Variants in GHR observed in about 807,000 individuals in gnomAD.
GHR encodes GH receptor.
A neutral mutation model predicts 67.1 loss-of-function variants in GHR; 35 were observed. The ratio of observed to expected loss-of-function variants is 0.52; its 90% CI spans 0.40 to 0.69. The LOEUF is 0.69. GHR is among the 30% of genes least tolerant of loss of function. GHR has a pLI of 0.00. For synonymous variants in GHR, 272 were observed against 269.1 expected, an observed-to-expected ratio of 1.01 and a Z score of -0.10; for missense variants, 792 against 764.6, an observed-to-expected ratio of 1.04 and a Z score of -0.42.
chr5:42,441,634 T>C (rs1479060830), intron 1 of GHR, among the ~76,000 whole-genome samples: 2 of 152,068 alleles, frequency 1.3e-5, no homozygotes, highest in East Asian at 1.9e-4. Context: ...CTCAGCCTCC[T>C]GAGTAGCTGG....
At chr5:42,521,383 G>T (rs1308598723) in intron 1 of GHR, among the ~76,000 whole-genome samples, 1 of 152,074 alleles carries the variant, frequency 6.6e-6, no homozygotes, top group Non-Finnish European at 1.5e-5. Flanking sequence ...GTCTTCCTTT[G>T]ATCTATATAC....
chr5:42,660,101 G>C (rs1580144176), intron 3 of GHR, among the ~76,000 whole-genome samples: 1 of 152,184 alleles, frequency 6.6e-6, no homozygotes, highest in African/African-American at 2.4e-5. Flanking sequence ...AACAAAGCAG[G>C]CGGGAATCTC....
chr5:42,496,640 G>T (rs77034265), intron 1 of GHR, among the ~76,000 whole-genome samples: 6,068 of 152,188 alleles, frequency 0.04, 186 homozygotes, highest in Non-Finnish European at 0.055. Flanking sequence ...AGGACAGATT[G>T]TCTTCAAGAC....
intron 1 of GHR, among the ~76,000 whole-genome samples, chr5:42,474,955 C>T (rs1745236082): frequency 7.1e-6 from 1 of 141,382 alleles, no homozygotes; most frequent in East Asian, 2.1e-4. Context: ...GCTATCTTGG[C>T]TCATTGCAAC....
At chr5:42,463,711 G>A (rs921262244) in intron 1 of GHR, among the ~76,000 whole-genome samples, 1 of 152,062 alleles carries the variant, frequency 6.6e-6, no homozygotes, top group South Asian at 2.1e-4. Flanking sequence ...ATAATTTAGT[G>A]GGCCGGGCGC....
At chr5:42,570,862 G>A (rs751947054) in intron 2 of GHR, among the ~76,000 whole-genome samples, 11 of 152,178 alleles carry the variant, frequency 7.2e-5, no homozygotes, top group Admixed American at 1.3e-4. Context: ...TAGGATAAAA[G>A]TGAATTTGAA....
At chr5:42,657,620 TTAGAAG>T (rs753400977) in intron 3 of GHR, among the ~76,000 whole-genome samples, 82 of 152,188 alleles carry the variant, frequency 5.4e-4, no homozygotes, top group Non-Finnish European at 1.0e-3. Context: ...TAATGGGAAT[TTAGAAG>T]TATAATACCT....
chr5:42,622,424 C>T (rs1255169489), intron 2 of GHR, among the ~76,000 whole-genome samples: 1 of 152,122 alleles, frequency 6.6e-6, no homozygotes, highest in African/African-American at 2.4e-5. Flanking sequence ...TGAAAAGTTT[C>T]CTAAATATAT....
intron 1 of GHR, among the ~76,000 whole-genome samples, chr5:42,441,475 A>C (rs1743568388): frequency 6.6e-6 from 1 of 152,062 alleles, no homozygotes; most frequent in African/African-American, 2.4e-5. Flanking sequence ...CAAAAAGGAT[A>C]AGGCTTTAAC....
chr5:42,429,257 C>G (rs1358753561), intron 1 of GHR, among the ~76,000 whole-genome samples: 1 of 152,186 alleles, frequency 6.6e-6, no homozygotes, highest in East Asian at 1.9e-4. Context: ...ACCATCACAT[C>G]TCATGAGACT....
At chr5:42,467,435 C>A in intron 1 of GHR, 1 of 957,986 alleles carries the variant, frequency 1.0e-6, no homozygotes, top group Admixed American at 1.9e-5. Context: ...TTTGAGCTCC[C>A]AGTAAATGTT....
In GHR at chr5:42,683,088, G is replaced by A. The variant is rs570824827; in HGVS notation, c.137-5802G>A. Reference sequence around the variant, plus strand: ...GCAATCTTGGCTCACTGCAAACTCCGCTTCCCAGGTTCAAGCAATTCTCCT... The same window carrying A: ...GCAATCTTGGCTCACTGCAAACTCCACTTCCCAGGTTCAAGCAATTCTCCT... On this transcript the variant is annotated intron_variant, in intron 3 of 9. Transcript: ENST00000230882. Among the ~76,000 whole-genome samples, 19 of 152,156 alleles carry A rather than the reference G, an allele frequency of 1.2e-4. 1 individual carries two copies. The highest frequency in any genetic ancestry group is 8.3e-4 in the South Asian group (4 of 4,820).
chr5:42,663,625 C>T (rs1253520620), intron 3 of GHR, among the ~76,000 whole-genome samples: 1 of 152,112 alleles, frequency 6.6e-6, no homozygotes, highest in East Asian at 1.9e-4. Context: ...ATGACAAACC[C>T]ACAGCCAATA....
chr5:42,512,013 G>A (rs1747039184), intron 1 of GHR, among the ~76,000 whole-genome samples: 1 of 152,098 alleles, frequency 6.6e-6, no homozygotes, highest in Admixed American at 6.5e-5. Flanking sequence ...TGAGCTGCCG[G>A]TGGGTTGCTG....
At chr5:42,505,471 A>C (rs1579833765) in intron 1 of GHR, among the ~76,000 whole-genome samples, 1 of 152,098 alleles carries the variant, frequency 6.6e-6, no homozygotes, top group Non-Finnish European at 1.5e-5. Flanking sequence ...AATAGGTAAC[A>C]TTATATCTGT....
At chr5:42,480,092 GTTC>G (rs1462712952) in intron 1 of GHR, among the ~76,000 whole-genome samples, 1 of 152,080 alleles carries the variant, frequency 6.6e-6, no homozygotes, top group African/African-American at 2.4e-5. Flanking sequence ...TTGTGTCTTT[GTTC>G]TTGTTGCTTT....
chr5:42,549,156 T>C (rs114412326), intron 1 of GHR, among the ~76,000 whole-genome samples: 3,267 of 152,306 alleles, frequency 0.021, 79 homozygotes, highest in Non-Finnish European at 0.027. Context: ...AGATTAACTC[T>C]GATGCTTTGG....
intron 1 of GHR, among the ~76,000 whole-genome samples, chr5:42,486,941 A>G (rs1371966197): frequency 6.6e-6 from 1 of 152,104 alleles, no homozygotes. Context: ...AACTTCTTAC[A>G]TTTCTGTAGT....
At chr5:42,491,217 T>TCTGCC (rs1298412775) in intron 1 of GHR, among the ~76,000 whole-genome samples, 24 of 152,392 alleles carry the variant, frequency 1.6e-4, no homozygotes, top group Non-Finnish European at 1.2e-4. Flanking sequence ...CTTGCTTTCT[T>TCTGCC]CTGCCTCTTG....
Sources: allele counts gnomAD v4.1 joint callset (sites outside exome capture counted in the v4.1 genomes callset), GRCh38; gene constraint gnomAD v4.1.1; transcripts MANE v1.5; gene names NCBI Gene and HGNC (gene_info 2026-07-23, HGNC 2026-07-21).